CHST3: variants seen among roughly 807,000 people sequenced by gnomAD.
The protein encoded by CHST3 is C6ST-1.
CHST3 carries 20 observed loss-of-function variants against 35.4 expected under a neutral mutation model. That is an observed-to-expected ratio of 0.57 (90% CI 0.40 to 0.82). The LOEUF is 0.82. Ranked by LOEUF, CHST3 falls within the 40% of genes least tolerant of loss-of-function variation. The probability of loss-of-function intolerance (pLI) is 0.00; values close to 1 mark genes in which losing one functional copy is unlikely to be tolerated. For missense variants in CHST3, 693 were observed against 670.1 expected, an observed-to-expected ratio of 1.03 and a Z score of -0.38; for synonymous variants, 334 against 295.9, an observed-to-expected ratio of 1.13 and a Z score of -1.32.
rs1460611508 is a variant in CHST3 at position 72,008,125 on chromosome 10, G to A, written c.1094G>A (p.Arg365His). 2.6e-6 allele frequency: 4 copies of A among 1,547,644 alleles called. No individual in the cohort carries two copies. Among genetic ancestry groups the A allele is most frequent in the East Asian group, 4.9e-5 (2 of 40,858 alleles). Residue 365 changes from arginine to histidine, a missense_variant, in exon 3 of 3, where the codon CGC becomes CAC. By Grantham distance (29) the Arg-to-His change is conservative. Transcript: ENST00000373115. ...GLRQPAWLRG[R>H]YMLVRYEDVA... is the part of the protein sequence containing the mutation. ...CGGCAGCCCGCCTGGCTGCGGGGCC[G>A]CTACATGCTGGTGCGCTACGAGGAC... is the stretch of plus-strand genomic sequence containing the variant.
At chr10:71,977,237 C>G (rs1398939680) in intron 1 of CHST3, among the ~76,000 whole-genome samples, 1 of 152,240 alleles carries the variant, frequency 6.6e-6, no homozygotes, top group Non-Finnish European at 1.5e-5. Context: ...TGAATGGGGC[C>G]AGCCCCAGCC....
intron 1 of CHST3, among the ~76,000 whole-genome samples, chr10:71,969,495 G>T (rs1839668026): frequency 6.6e-6 from 1 of 152,200 alleles, no homozygotes; most frequent in South Asian, 2.1e-4. Flanking sequence ...AACGGGAAAG[G>T]CTGGCGCCCT....
At chr10:71,968,147 ATC>A (rs1839651157) in intron 1 of CHST3, among the ~76,000 whole-genome samples, 1 of 152,102 alleles carries the variant, frequency 6.6e-6, no homozygotes, top group African/African-American at 2.4e-5. Context: ...CCTGGCCAGC[ATC>A]TGTTAATGTT....
At chr10:72,000,963 C>A (rs999766519) in intron 1 of CHST3, among the ~76,000 whole-genome samples, 6 of 152,018 alleles carry the variant, frequency 3.9e-5, no homozygotes, top group African/African-American at 1.5e-4. Context: ...CCACACTAGG[C>A]CCCCAGGAGA....
rs371091098 is a variant in CHST3, at chr10:72,007,408, C to G, written c.377C>G (p.Pro126Arg). The G allele has an allele frequency of 6.2e-7, 1 of 1,605,164 alleles. No homozygotes were observed. The highest frequency in any genetic ancestry group is 8.5e-7 in the Non-Finnish European group (1 of 1,178,422). Residue 126 changes from proline to arginine, a missense_variant, in exon 3 of 3, where the codon CCG becomes CGG. By Grantham distance (103) the Pro-to-Arg change is moderately radical. Transcript: ENST00000373115. ...EQRKEEEPPR[P>R]AVAGPRRHVL... is the part of the protein sequence containing the mutation. The stretch of plus-strand genomic sequence containing the variant: ...AGAAAGGAGGAGGAGCCGCCCAGAC[C>G]GGCCGTGGCGGGGCCCCGGCGCCAC...
intron 1 of CHST3, among the ~76,000 whole-genome samples, chr10:71,978,847 T>C (rs1391961626): frequency 2.0e-5 from 3 of 152,138 alleles, no homozygotes; most frequent in Non-Finnish European, 4.4e-5. Context: ...TCAGCACAGC[T>C]CTGTGGGCCA....
chr10:71,972,877 G>C (rs1305098947), intron 1 of CHST3, among the ~76,000 whole-genome samples: 1 of 152,176 alleles, frequency 6.6e-6, no homozygotes, highest in African/African-American at 2.4e-5. Flanking sequence ...CCCCATGGCT[G>C]CCCACAGGTC....
rs556356094 is a variant in CHST3, at chr10:71,998,350, A to G, written c.-107-7386A>G. On this transcript the variant is annotated intron_variant, in intron 1 of 2. Coordinates refer to ENST00000373115, the MANE Select transcript of CHST3 (RefSeq NM_004273.5). ...CGTCCTTGGGCATGAATCTTGGTCT[A>G]TGTCCAGGTCGGTTCTGAATGAGCC... Among the ~76,000 whole-genome samples the G allele has an allele frequency of 1.2e-4, 18 of 152,146 alleles. No individual in the cohort carries two copies. The South Asian group carries it at 3.3e-3, about 28-fold the overall frequency.
intron 1 of CHST3, among the ~76,000 whole-genome samples, chr10:71,982,757 G>T (rs149855975): frequency 1.4e-3 from 212 of 152,124 alleles, no homozygotes; most frequent in Non-Finnish European, 2.5e-3. Context: ...CAAAAAAAAA[G>T]GAAAGAAAGT....
chr10:71,969,017 C>T (rs980929266), intron 1 of CHST3, among the ~76,000 whole-genome samples: 13 of 152,152 alleles, frequency 8.5e-5, no homozygotes, highest in African/African-American at 3.1e-4. Flanking sequence ...GGAAATCAGC[C>T]TTCACCTGAC....
rs565957683 is a variant in CHST3, at chr10:72,007,664, C to A, written c.633C>A (p.Pro211=). 1.2e-6 allele frequency: 2 copies of A among 1,609,196 alleles called. No individual in the cohort carries two copies. The highest frequency in any genetic ancestry group is 1.7e-5 in the Admixed American group (1 of 59,862). Residue 211 remains proline (P), a synonymous_variant, in exon 3 of 3, where the codon CCC becomes CCA. Transcript: ENST00000373115. ...TGGAGCACTTCATCACGCCGCTGCC[C>A]GAGGACCACCTGACTCAGTTCATGT... ...YVLEHFITPL[P]EDHLTQFMFR... is the part of the protein sequence containing the mutation.
At chr10:72,002,644 C>T (rs1410712992) in intron 1 of CHST3, among the ~76,000 whole-genome samples, 1 of 152,242 alleles carries the variant, frequency 6.6e-6, no homozygotes, top group African/African-American at 2.4e-5. Context: ...TCCCTCACAT[C>T]ATCAGCTCCA....
rs1261893494 is a variant in CHST3 at position 72,008,466 on chromosome 10, ACGTAGGGGGGCCGGGGCCC to A, written c.1440_*18del. ...GGAGGAGAGGGGCACCTTCTGGGTCACGTAGGGGGGCCGGGGCCCCGTATGCCCCTCCTCGTGAAAGGCC... is the reference window on the plus strand; with the variant it reads ...GGAGGAGAGGGGCACCTTCTGGGTCACGTATGCCCCTCCTCGTGAAAGGCC... On this transcript the variant is annotated stop_lost and 3_prime_UTR_variant, in exon 3 of 3. Transcript: ENST00000373115. 1.9e-6 allele frequency: 3 copies of A among 1,543,200 alleles called. No individual in the cohort carries two copies. In the South Asian group the frequency reaches 3.6e-5, roughly 19 times the overall value.
intron 1 of CHST3, among the ~76,000 whole-genome samples, chr10:71,973,625 C>T (rs561044815): frequency 3.0e-4 from 46 of 152,300 alleles, no homozygotes; most frequent in African/African-American, 1.1e-3. Flanking sequence ...AGGTCCTGCG[C>T]GCCTATGCTC....
intron 1 of CHST3, among the ~76,000 whole-genome samples, chr10:71,998,945 A>C (rs1024394487): frequency 6.6e-6 from 1 of 152,084 alleles, no homozygotes; most frequent in African/African-American, 2.4e-5. Flanking sequence ...CCAGGCATTC[A>C]TTCACTTCCC....
Position 72,007,358 on chromosome 10 carries a change from C to A in CHST3, c.327C>A (p.Ala109=). 1.2e-6 allele frequency: 2 copies of A among 1,607,280 alleles called. No homozygotes were observed. The highest frequency in any genetic ancestry group is 1.7e-6 in the Non-Finnish European group (2 of 1,177,030). The part of the protein sequence containing the change: ...LQLGVEPAME[A]AGEEEEEQRK... ...TGGGCGTGGAGCCAGCCATGGAGGC[C>A]GCAGGGGAGGAAGAGGAAGAGCAGA... The change falls in exon 3 of 3, where the codon GCC becomes GCA. Residue 109 remains alanine, a synonymous_variant. Transcript: ENST00000373115.
chr10:71,980,718 G>C (rs550291815), intron 1 of CHST3, among the ~76,000 whole-genome samples: 1 of 152,308 alleles, frequency 6.6e-6, no homozygotes, highest in East Asian at 1.9e-4. Context: ...CACCCTCCTG[G>C]GGTGTTTTTA....
chr10:71,976,444 C>T (rs1722025223), intron 1 of CHST3, among the ~76,000 whole-genome samples: 1 of 152,194 alleles, frequency 6.6e-6, no homozygotes, highest in Non-Finnish European at 1.5e-5. Context: ...GTTTGTACAA[C>T]TCTGGCCCCT....
In CHST3 at chr10:72,005,813, C is replaced by G; in HGVS notation, c.-30C>G. ...CTCAGCTGAGTGTCCAAGGCTGGCC[C>G]GAGGAGCCCCCACGGCCCCACCTTT... On this transcript the variant is annotated 5_prime_UTR_variant, in exon 2 of 3. Coordinates refer to ENST00000373115, the MANE Select transcript of CHST3 (RefSeq NM_004273.5). 1.9e-6 allele frequency: 3 copies of G among 1,614,024 alleles called. No homozygotes were observed. Among genetic ancestry groups the G allele is most frequent in the Non-Finnish European group, 1.7e-6 (2 of 1,180,014 alleles).
Sources: allele counts gnomAD v4.1 joint callset (sites outside exome capture counted in the v4.1 genomes callset), GRCh38; gene constraint gnomAD v4.1.1; transcripts MANE v1.5; gene names NCBI Gene and HGNC (gene_info 2026-07-23, HGNC 2026-07-21).